Variants in BBOF1 observed in about 807,000 individuals in gnomAD.
The protein encoded by BBOF1 is basal body orientation factor 1, also known as basal body-orientation factor 1.
A neutral mutation model predicts 68.0 loss-of-function variants in BBOF1; 62 were observed. The ratio of observed to expected loss-of-function variants is 0.91; its 90% CI spans 0.74 to 1.13. The LOEUF is 1.13. Ranked by LOEUF, BBOF1 falls within the 50% of genes most tolerant of loss-of-function variation. BBOF1 has a pLI of 0.00. For synonymous variants in BBOF1, 208 were observed against 198.8 expected (o/e 1.05, Z -0.39); for missense variants, 534 against 600.1 (o/e 0.89, Z 1.15).
chr14:74,082,169 C>T (rs1265718253), intron 12 of BBOF1, among the ~76,000 whole-genome samples: 1 of 152,188 alleles, frequency 6.6e-6, no homozygotes, highest in Non-Finnish European at 1.5e-5. Context: ...TGCACCACTG[C>T]ACTCCAGCCT....
At chr14:74,057,440 T>C (rs2060239365) in intron 11 of BBOF1, 182 bp downstream of exon 11, 1 of 1,486,864 alleles carries the variant, frequency 6.7e-7, no homozygotes, top group African/African-American at 1.4e-5. Context: ...AAATGCATAT[T>C]ATACTAATGC....
Position 74,043,881 on chromosome 14 carries a change from T to G in BBOF1, c.577-2179T>G, listed in dbSNP as rs151194722. 4.7e-3 allele frequency among the ~76,000 whole-genome samples: 710 copies of G among 152,180 alleles called. 1 individual carries two copies. Among genetic ancestry groups the G allele is most frequent in the African/African-American group, 0.014 (600 of 41,548 alleles). Reference sequence around the variant, plus strand: ...CTAGTCCCTCCTTCTGGAATGCTGTTCCTCCAGCTCTGGATCATTCTTATT... The same window carrying G: ...CTAGTCCCTCCTTCTGGAATGCTGTGCCTCCAGCTCTGGATCATTCTTATT... On this transcript the variant is annotated intron_variant, in intron 5 of 11. Coordinates refer to ENST00000394009, the MANE Select transcript of BBOF1 (RefSeq NM_025057.3).
intron 5 of BBOF1, among the ~76,000 whole-genome samples, chr14:74,044,193 C>A (rs12147709): frequency 6.6e-6 from 1 of 151,562 alleles, no homozygotes. Flanking sequence ...TTGCAGTGAG[C>A]CGAGATCATG....
At chr14:74,021,061 T>C (rs2059280916) in intron 1 of BBOF1, among the ~76,000 whole-genome samples, 1 of 152,134 alleles carries the variant, frequency 6.6e-6, no homozygotes, top group South Asian at 2.1e-4. Context: ...GGTGGCAGTA[T>C]AGAAAGGTCC....
At chr14:74,046,158 T>C in intron 6 of BBOF1, 28 bp downstream of exon 6, 1 of 1,549,374 alleles carries the variant, frequency 6.5e-7, no homozygotes, top group Non-Finnish European at 8.8e-7. Flanking sequence ...ACTTTCTGAC[T>C]CTGATTACCT....
At chr14:74,034,558 A>G (rs542759300) in intron 4 of BBOF1, among the ~76,000 whole-genome samples, 126 of 152,344 alleles carry the variant, frequency 8.3e-4, no homozygotes, top group African/African-American at 2.1e-3. Flanking sequence ...AGAAGGCTCT[A>G]TGGTAGGGGT....
downstream of BBOF1, among the ~76,000 whole-genome samples, chr14:74,069,845 C>T (rs2060524537): frequency 1.4e-5 from 2 of 146,176 alleles, no homozygotes. Context: ...TACTTCTAAT[C>T]TAACCTTTTT....
rs115885824 is a variant in BBOF1 at position 74,022,645 on chromosome 14, A to G, written c.57-271A>G. 6.9e-3 allele frequency among the ~76,000 whole-genome samples: 1,049 copies of G among 151,522 alleles called. 15 individuals are homozygous for G. Among genetic ancestry groups the G allele is most frequent in the African/African-American group, 0.024 (1,011 of 41,310 alleles). ...CAGTCTTTTCGAGTTATGCTCCAGG[A>G]CTCCCCTCCTCCAGGAAGAGGCACT... On this transcript the variant is annotated intron_variant, in intron 1 of 11. Transcript: ENST00000394009.
intron 8 of BBOF1, 95 bp downstream of exon 8, chr14:74,050,290 G>T: frequency 7.4e-7 from 1 of 1,347,576 alleles, no homozygotes; most frequent in Non-Finnish European, 1.0e-6. Context: ...TAATATTCAA[G>T]TATTGAATAG....
downstream of BBOF1, among the ~76,000 whole-genome samples, chr14:74,068,480 C>T (rs867900835): frequency 3.5e-4 from 54 of 152,116 alleles, no homozygotes; most frequent in African/African-American, 1.2e-3. Context: ...AAGGCTTACG[C>T]CTGTAATCCC....
chr14:74,065,025 T>C lies in BBOF1; in HGVS notation c.*326T>C. On this transcript the variant is annotated 3_prime_UTR_variant, in exon 12 of 12. Transcript: ENST00000394009. ...TTTTAAATACCCACCTTCTACCCTA[T>C]CCTCTACCCCATGAACTTTCATTCC... The C allele has an allele frequency of 1.5e-6, 2 of 1,365,168 alleles. No homozygotes were observed. Among genetic ancestry groups the C allele is most frequent in the Non-Finnish European group, 2.1e-6 (2 of 971,320 alleles). The allele number at this position is 1,365,168 out of a possible 1,614,324, so 84.6% of individuals were successfully genotyped here.
At chr14:74,054,035 C>T (rs1230896502) in intron 8 of BBOF1, among the ~76,000 whole-genome samples, 2 of 152,158 alleles carry the variant, frequency 1.3e-5, no homozygotes, top group East Asian at 1.9e-4. Context: ...CCACCATGCC[C>T]GGCTAATTTT....
intron 5 of BBOF1, among the ~76,000 whole-genome samples, chr14:74,041,913 T>C (rs2059832154): frequency 6.6e-6 from 1 of 152,102 alleles, no homozygotes; most frequent in Middle Eastern, 3.2e-3. Context: ...GGTGTGCACC[T>C]GTAATCCCAG....
chr14:74,028,189 G>A (rs573150227), intron 2 of BBOF1, among the ~76,000 whole-genome samples: 1 of 152,020 alleles, frequency 6.6e-6, no homozygotes, highest in East Asian at 1.9e-4. Flanking sequence ...CCAACATGGT[G>A]AAACCCTGTC....
At chr14:74,066,754 C>A, downstream of BBOF1, 1 of 1,614,014 alleles carries the variant, frequency 6.2e-7, no homozygotes. Flanking sequence ...ATTTTCATAG[C>A]CTTTCACTTT....
exon 10 of BBOF1, chr14:74,078,217 G>A (rs1173578620): frequency 2.2e-6 from 1 of 455,892 alleles, no homozygotes; most frequent in African/African-American, 2.0e-5. Flanking sequence ...ACCATCAGAT[G>A]AGAACTTCTC....
intron 8 of BBOF1, among the ~76,000 whole-genome samples, chr14:74,054,655 G>C (rs947629251): frequency 6.8e-6 from 1 of 147,688 alleles, no homozygotes; most frequent in Non-Finnish European, 1.5e-5. Flanking sequence ...GGGATTACGG[G>C]TGTGAGCCAC....
At chr14:74,071,577 C>T (rs904997457) in intron 9 of BBOF1, 6 of 1,609,030 alleles carry the variant, frequency 3.7e-6, no homozygotes, top group Non-Finnish European at 4.2e-6. Context: ...GCCCTGAGGA[C>T]AGGAAGTGGT....
chr14:74,022,900 T>A lies in BBOF1; in HGVS notation c.57-16T>A. On this transcript the variant is annotated splice_polypyrimidine_tract_variant and intron_variant, in intron 1 of 11. Coordinates refer to ENST00000394009, the MANE Select transcript of BBOF1 (RefSeq NM_025057.3). Reference sequence around the variant, plus strand: ...TATAAATAGTCATATACTGTCAATATCCTCTTCCCATGCAGGAAGTTAATA... The same window carrying A: ...TATAAATAGTCATATACTGTCAATAACCTCTTCCCATGCAGGAAGTTAATA... 1 of 1,469,646 alleles carries A rather than the reference T, an allele frequency of 6.8e-7. No homozygotes were observed. The highest frequency in any genetic ancestry group is 2.3e-5 in the East Asian group (1 of 44,076). The allele number at this position is 1,469,646 out of a possible 1,614,324, so 91.0% of individuals were successfully genotyped here.
Sources: gnomAD v4.1 joint callset for allele counts (sites outside exome capture counted in the v4.1 genomes callset) on GRCh38, gnomAD v4.1.1 for gene constraint, MANE v1.5 for transcripts, NCBI Gene and HGNC (gene_info 2026-07-23, HGNC 2026-07-21) for gene names.